PCNT: variants seen among roughly 807,000 people sequenced by gnomAD.
PCNT encodes the protein pericentrin.
A neutral mutation model predicts 380.4 loss-of-function variants in PCNT; 319 were observed. The ratio of observed to expected loss-of-function variants is 0.84; its 90% CI spans 0.77 to 0.92. The LOEUF is 0.92. Among genes scored for constraint, PCNT ranks in the 40% least tolerant of loss-of-function variants. The pLI, the probability that PCNT is intolerant of heterozygous loss-of-function variation, is 0.00. For synonymous variants in PCNT, 1,845 were observed against 1,735.2 expected, an observed-to-expected ratio of 1.06 and a Z score of -1.57; for missense variants, 4,400 against 4,255.3, an observed-to-expected ratio of 1.03 and a Z score of -0.95.
rs1261305673 is a variant in PCNT, at chr21:46,347,317, A to G, written c.977-140A>G. ...CCTCAGTTTGTTATTAAAGCCAAGC[A>G]TCATCACAGACACATCCTGCTAGCC... On this transcript the variant is annotated intron_variant, in intron 5 of 46. Transcript: ENST00000359568. 4.7e-6 allele frequency: 4 copies of G among 844,944 alleles called. No individual in the cohort carries two copies. In the African/African-American group the frequency reaches 5.0e-5, roughly 11 times the overall value. 52.3% of individuals were successfully genotyped at this position (844,944 alleles called of 1,614,324 possible). A position where few individuals can be genotyped will look rare whatever the true frequency, so the allele number is the denominator to read the frequency against.
At chr21:46,358,967 ATT>A (rs763580670) in intron 13 of PCNT, among the ~76,000 whole-genome samples, 1 of 144,230 alleles carries the variant, frequency 6.9e-6, no homozygotes, top group Non-Finnish European at 1.5e-5. Flanking sequence ...TGCCTGGCTA[ATT>A]TTTTTTTTTT....
chr21:46,425,914 C>G lies in PCNT; in HGVS notation c.7263C>G (p.His2421Gln), dbSNP rs2147907267. The change falls in exon 33 of 47, where the codon CAC becomes CAG. Residue 2421 changes from histidine to glutamine, a missense_variant. Physicochemically the swap from His to Gln is conservative, Grantham distance 24 (BLOSUM62 0). Coordinates refer to ENST00000359568, the MANE Select transcript of PCNT (RefSeq NM_006031.6). The surrounding 1 kb of genome is among the most constrained non-coding windows in gnomAD (Gnocchi z 4.2). Reference protein sequence around the residue: ...EGLAPPSGEPHPPRKEDEIQD... With the variant: ...EGLAPPSGEPQPPRKEDEIQD... Reference sequence around the variant, plus strand: ...TTGCACCCCCAAGCGGCGAGCCACACCCACCCCGGAAGGAAGACGAGATAC... The same window carrying G: ...TTGCACCCCCAAGCGGCGAGCCACAGCCACCCCGGAAGGAAGACGAGATAC... The G allele has an allele frequency of 6.2e-7, 1 of 1,614,060 alleles. No homozygotes were observed. Among genetic ancestry groups the G allele is most frequent in the Non-Finnish European group, 8.5e-7 (1 of 1,180,018 alleles).
At chr21:46,340,562 A>G (rs1220926403) in intron 3 of PCNT, among the ~76,000 whole-genome samples, 1 of 152,056 alleles carries the variant, frequency 6.6e-6, no homozygotes, top group Non-Finnish European at 1.5e-5. Context: ...ATTCTGCATA[A>G]TTTTTTGTTT....
Position 46,411,728 on chromosome 21 carries a change from G to A in PCNT, c.5655G>A (p.Ala1885=), listed in dbSNP as rs745495825. Residue 1885 remains alanine (A), a synonymous_variant, in exon 28 of 47, where the codon GCG becomes GCA. Coordinates refer to ENST00000359568, the MANE Select transcript of PCNT (RefSeq NM_006031.6). Reference sequence around the variant, plus strand: ...TCGACGCTCTGAACCAGCGGAAGGCGGCCCACTCTGCCGAGCTGGAGGCCG... The same window carrying A: ...TCGACGCTCTGAACCAGCGGAAGGCAGCCCACTCTGCCGAGCTGGAGGCCG... The part of the protein sequence containing the change: ...LEIDALNQRK[A]AHSAELEAVL... 4.3e-6 allele frequency: 7 copies of A among 1,612,084 alleles called. No individual in the cohort carries two copies. Among genetic ancestry groups the A allele is most frequent in the African/African-American group, 4.0e-5 (3 of 75,040 alleles).
chr21:46,414,166 A>G (rs2086915489), intron 29 of PCNT, among the ~76,000 whole-genome samples: 1 of 151,834 alleles, frequency 6.6e-6, no homozygotes. Context: ...TGATTTTTGT[A>G]TTTTTAGTAG....
intron 32 of PCNT, among the ~76,000 whole-genome samples, chr21:46,423,708 A>G (rs1602058454): frequency 3.0e-5 from 2 of 66,250 alleles, no homozygotes; most frequent in Admixed American, 1.7e-4. Flanking sequence ...GAGGAGGGGG[A>G]GAGGAGGAGG....
chr21:46,422,031 T>C lies in PCNT; in HGVS notation c.7086T>C (p.Thr2362=). Residue 2362 remains threonine, a synonymous_variant, in exon 32 of 47, where the codon ACT becomes ACC. Coordinates refer to ENST00000359568, the MANE Select transcript of PCNT (RefSeq NM_006031.6). ...GGTCAGGAGGCCCTGAGGCTCAAAC[T>C]GCTGGTCCTGTGACCCCTGCTTCCA... ...SPGSGGPEAQ[T]AGPVTPASIS... The C allele has an allele frequency of 6.2e-7, 1 of 1,614,084 alleles. No homozygotes were observed. Among genetic ancestry groups the C allele is most frequent in the Admixed American group, 1.7e-5 (1 of 60,030 alleles).
chr21:46,346,790 C>G lies in PCNT; in HGVS notation c.768C>G (p.Asn256Lys). The G allele has an allele frequency of 6.2e-7, 1 of 1,600,548 alleles. No homozygotes were observed. The highest frequency in any genetic ancestry group is 2.3e-5 in the East Asian group (1 of 44,388). The change falls in exon 5 of 47, where the codon AAC becomes AAG. Residue 256 changes from asparagine to lysine, a missense_variant. Transcript: ENST00000359568. ...ELEALRLSLS[N>K]MHTAQLELTQ... ...AGGCGCTGCGCCTGAGTCTGAGCAA[C>G]ATGCACACGGCGCAGCTGGAGCTGA...
chr21:46,380,570 C>G (rs912116242), intron 15 of PCNT, among the ~76,000 whole-genome samples: 4 of 151,800 alleles, frequency 2.6e-5, no homozygotes, highest in African/African-American at 9.7e-5. Flanking sequence ...TGCTCCAAAT[C>G]CATTCTGTCC....
chr21:46,441,011 G>A lies in PCNT; in HGVS notation c.9550G>A (p.Ala3184Thr), dbSNP rs770557788. The A allele has an allele frequency of 6.2e-7, 1 of 1,614,142 alleles. No homozygotes were observed. Among genetic ancestry groups the A allele is most frequent in the South Asian group, 1.1e-5 (1 of 91,080 alleles). The change falls in exon 43 of 47, where the codon GCA (alanine) becomes ACA (threonine). Residue 3184 changes from alanine (A) to threonine (T), a missense_variant. Ala to Thr is a moderately conservative substitution (Grantham distance 58, BLOSUM62 0). Transcript: ENST00000359568. ...CCATTTGGGGGTATTTCCTTCCAAA[G>A]CAGAACGGAAAATCACATCTCGTCC... ...IAHLGVFPSKAERKITSRPFT... is the reference protein window; with the variant it reads ...IAHLGVFPSKTERKITSRPFT...
intron 15 of PCNT, among the ~76,000 whole-genome samples, chr21:46,381,142 A>G (rs1210948542): frequency 6.8e-6 from 1 of 146,378 alleles, no homozygotes; most frequent in Admixed American, 7.1e-5. Flanking sequence ...ACACCACTGC[A>G]TTCCAGCCTG....
intron 31 of PCNT, among the ~76,000 whole-genome samples, chr21:46,419,561 C>G (rs1281117167): frequency 6.6e-6 from 1 of 152,234 alleles, no homozygotes; most frequent in Non-Finnish European, 1.5e-5. Flanking sequence ...TCCAGCAGAG[C>G]CGCTGGGAGC....
Position 46,416,844 on chromosome 21 carries a change from G to C in PCNT, c.6921+5G>C. The C allele has an allele frequency of 1.3e-6, 2 of 1,597,280 alleles. No homozygotes were observed. Among genetic ancestry groups the C allele is most frequent in the Non-Finnish European group, 1.7e-6 (2 of 1,179,668 alleles). On this transcript the variant is annotated splice_donor_5th_base_variant and intron_variant, in intron 30 of 46. Coordinates refer to ENST00000359568, the MANE Select transcript of PCNT (RefSeq NM_006031.6). ...CATGTGCAGAGGACGGCTGTGGTAG[G>C]TGCCTGCTCTGCTCCCAGGCCTGCT...
intron 16 of PCNT, among the ~76,000 whole-genome samples, chr21:46,382,065 GT>G (rs2085568775): frequency 6.7e-6 from 1 of 148,294 alleles, no homozygotes; most frequent in African/African-American, 2.5e-5. Context: ...TCACCATGTT[GT>G]ATATTCAGTG....
At chr21:46,409,190 CTT>C (rs11399485) in intron 27 of PCNT, among the ~76,000 whole-genome samples, 7 of 123,954 alleles carry the variant, frequency 5.6e-5, no homozygotes, top group Admixed American at 1.7e-4. Flanking sequence ...AAACTTTTTA[CTT>C]TTTTTTTTTT....
chr21:46,375,457 G>T (rs2085304043), intron 15 of PCNT, among the ~76,000 whole-genome samples: 1 of 152,150 alleles, frequency 6.6e-6, no homozygotes, highest in Admixed American at 6.5e-5. Flanking sequence ...TAATTGTGTG[G>T]ATTTTAGAAA....
At chr21:46,352,000 A>G (rs1052853641) in intron 9 of PCNT, among the ~76,000 whole-genome samples, 4 of 152,208 alleles carry the variant, frequency 2.6e-5, no homozygotes. Flanking sequence ...GTGTCCCCTT[A>G]TAGCTGAGCA....
In PCNT at chr21:46,442,597, C is replaced by T. The variant is rs202225542; in HGVS notation, c.9700+24C>T. 3,770 of 1,431,162 alleles carry T rather than the reference C, an allele frequency of 2.6e-3. 10 individuals carry two copies. Among genetic ancestry groups the T allele is most frequent in the Non-Finnish European group, 3.4e-3 (3,459 of 1,013,288 alleles). 88.7% of individuals were successfully genotyped at this position (1,431,162 alleles called of 1,614,324 possible). On this transcript the variant is annotated intron_variant, in intron 44 of 46. Transcript: ENST00000359568. ...AGGTGGGACTCCAGCTGCTGTTGAC[C>T]GCTGGACTCACAAACCTTTCTTTCT...
At chr21:46,393,811 C>G (rs2086117846) in intron 21 of PCNT, among the ~76,000 whole-genome samples, 1 of 152,182 alleles carries the variant, frequency 6.6e-6, no homozygotes, top group Non-Finnish European at 1.5e-5. Context: ...CATCTCCTGC[C>G]ACAAAGCCTG....
Sources: allele counts gnomAD v4.1 joint callset (sites outside exome capture counted in the v4.1 genomes callset), GRCh38; gene constraint gnomAD v4.1.1; non-coding constraint Gnocchi (gnomAD v3.1); transcripts MANE v1.5; gene names NCBI Gene and HGNC (gene_info 2026-07-23, HGNC 2026-07-21).